LRCH2: variants seen among roughly 807,000 people sequenced by gnomAD.
LRCH2 encodes leucine-rich repeat and calponin homology domain-containing protein 2.
In LRCH2, 38 loss-of-function variants were observed where a neutral mutation model predicts 68.9. The ratio of observed to expected loss-of-function variants is 0.55; its 90% CI spans 0.43 to 0.72. The LOEUF is 0.72. LRCH2 is among the 30% of genes least tolerant of loss of function. The pLI is 0.00. For missense variants in LRCH2, 528 were observed against 572.9 expected (o/e 0.92, Z 0.80); for synonymous variants, 191 against 208.1 (o/e 0.92, Z 0.71).
chrX:115,191,173 A>C, intron 1 of LRCH2: 1 of 1,165,110 alleles, frequency 8.6e-7, no homozygotes, highest in Non-Finnish European at 1.1e-6. Context: ...GGGCCACGAC[A>C]GTTCCAGCCA....
At chrX:115,196,663 C>T (rs1262294882) in intron 1 of LRCH2, among the ~76,000 whole-genome samples, 1 of 111,542 alleles carries the variant, frequency 9.0e-6, no homozygotes. Flanking sequence ...GCCTAGAAGC[C>T]AGTTTGCACA....
intron 16 of LRCH2, among the ~76,000 whole-genome samples, chrX:115,124,815 C>T (rs2072172557): frequency 9.0e-6 from 1 of 111,579 alleles, no homozygotes; most frequent in Admixed American, 9.6e-5. Context: ...GAGGATCATA[C>T]CTATTTTATG....
At position 115,233,645 on chromosome X, in the gene LRCH2, C is replaced by T. The variant is rs1556579115; in HGVS notation, c.349+48G>A. ...ACGCAGCCACGCAGCCACCCACTCC[C>T]CGCACCTCCTCCTTCACAGCCAGCT... On this transcript the variant is annotated intron_variant, in intron 1 of 20. Coordinates refer to ENST00000317135, the MANE Select transcript of LRCH2 (RefSeq NM_020871.4). The T allele has an allele frequency of 2.7e-6, 3 of 1,091,635 alleles. No homozygotes were observed. In the South Asian group the frequency reaches 6.7e-5, roughly 24 times the overall value. 90.0% of individuals were successfully genotyped at this position (1,091,635 alleles called of 1,213,427 possible).
chrX:115,219,049 T>C (rs1030342216), intron 1 of LRCH2, among the ~76,000 whole-genome samples: 1 of 111,947 alleles, frequency 8.9e-6, no homozygotes, highest in Non-Finnish European at 1.9e-5. Context: ...TTAGTACCTT[T>C]CTACTGCATG....
intron 1 of LRCH2, among the ~76,000 whole-genome samples, chrX:115,205,377 A>G (rs1425018704): frequency 2.7e-5 from 3 of 112,265 alleles, no homozygotes; most frequent in African/African-American, 9.7e-5. Context: ...TGATGCATAC[A>G]TGACACATGC....
chrX:115,132,895 T>C (rs2072258256), intron 14 of LRCH2, among the ~76,000 whole-genome samples: 1 of 112,114 alleles, frequency 8.9e-6, no homozygotes, highest in East Asian at 2.8e-4. Flanking sequence ...CTTTTATTAT[T>C]AAATAATTTA....
intron 8 of LRCH2, 92 bp downstream of exon 8, chrX:115,165,749 A>G (rs1010464147): frequency 1.2e-5 from 11 of 923,220 alleles, no homozygotes; most frequent in African/African-American, 2.0e-5. Context: ...TCTCAATGTA[A>G]GAGTTTGCTA....
At chrX:115,218,778 G>T (rs1030152525) in intron 1 of LRCH2, among the ~76,000 whole-genome samples, 1 of 111,940 alleles carries the variant, frequency 8.9e-6, no homozygotes, top group Admixed American at 9.5e-5. Context: ...ATTCTGTATC[G>T]GGGCTGTGAG....
chrX:115,128,353 A>G (rs1316549886), intron 15 of LRCH2, among the ~76,000 whole-genome samples: 1 of 112,074 alleles, frequency 8.9e-6, no homozygotes, highest in Non-Finnish European at 1.9e-5. Flanking sequence ...CTGAAACCAC[A>G]GATAGTACCA....
Position 115,169,797 on chromosome X carries a change from T to C in LRCH2, c.998+502A>G, listed in dbSNP as rs782552165. On this transcript the variant is annotated intron_variant, in intron 6 of 20. Coordinates refer to ENST00000317135, the MANE Select transcript of LRCH2 (RefSeq NM_020871.4). The stretch of plus-strand genomic sequence containing the variant: ...ATGTTCAATCTACTATCTCAAAATC[T>C]CATGAGGATCAAAACACTGAAATCA... Among the ~76,000 whole-genome samples, 5 of 111,028 alleles carry C rather than the reference T, an allele frequency of 4.5e-5. No homozygotes were observed. In the East Asian group the frequency reaches 1.4e-3, roughly 32 times the overall value.
Position 115,179,469 on chromosome X carries a change from T to C in LRCH2, c.822A>G (p.Val274=). ...GCAATGGATTGTTATCCAAAATTAT[T>C]ACTTGTAAATGATGCAGCTTTCTGT... ...VCYRKLHHLQ[V]IILDNNPLQV... is the part of the protein sequence containing the mutation. The change falls in exon 5 of 21, where the codon GTA becomes GTG. Residue 274 remains valine, a synonymous_variant. Transcript: ENST00000317135. 3.5e-6 allele frequency: 4 copies of C among 1,148,363 alleles called. No individual in the cohort carries two copies. The highest frequency in any genetic ancestry group is 4.6e-6 in the Non-Finnish European group (4 of 864,305). 94.6% of individuals were successfully genotyped at this position (1,148,363 alleles called of 1,213,427 possible). A position where few individuals can be genotyped will look rare whatever the true frequency, so the allele number is the denominator to read the frequency against.
At chrX:115,179,282 A>T in intron 5 of LRCH2, 145 bp downstream of exon 5, 1 of 411,429 alleles carries the variant, frequency 2.4e-6, no homozygotes, top group Non-Finnish European at 3.8e-6. Context: ...CAAAGTGCAA[A>T]AGGCAATGCT....
intron 1 of LRCH2, among the ~76,000 whole-genome samples, chrX:115,204,627 T>C (rs2072952991): frequency 8.9e-6 from 1 of 111,928 alleles, no homozygotes; most frequent in Admixed American, 9.5e-5. Context: ...AAGTTCAAAG[T>C]TCCACAGATC....
At chrX:115,157,809 A>G (rs2072487535) in intron 11 of LRCH2, among the ~76,000 whole-genome samples, 1 of 110,220 alleles carries the variant, frequency 9.1e-6, no homozygotes, top group Non-Finnish European at 1.9e-5. Context: ...AAATTTCAGA[A>G]TTATTGCAGG....
At chrX:115,231,539 G>C (rs1423239090) in intron 1 of LRCH2, among the ~76,000 whole-genome samples, 1 of 111,741 alleles carries the variant, frequency 8.9e-6, no homozygotes, top group Admixed American at 9.5e-5. Flanking sequence ...ACAAGATCTT[G>C]TTTACTCTGA....
intron 16 of LRCH2, 62 bp downstream of exon 16, chrX:115,126,781 T>G: frequency 6.9e-6 from 6 of 871,887 alleles, no homozygotes; most frequent in Non-Finnish European, 9.3e-6. Flanking sequence ...GGAAGACTCT[T>G]ATGTAAAACA....
chrX:115,181,979 TAAC>T (rs1170368211), intron 3 of LRCH2, among the ~76,000 whole-genome samples: 3 of 111,509 alleles, frequency 2.7e-5, no homozygotes, highest in African/African-American at 9.8e-5. Flanking sequence ...TAATACAACG[TAAC>T]AACTACTCAC....
rs782512086 is a variant in LRCH2 at position 115,191,842 on chromosome X, G to A, written c.350-3472C>T. 134 of 1,150,935 alleles carry A rather than the reference G, an allele frequency of 1.2e-4. No individual in the cohort carries two copies. Among genetic ancestry groups the A allele is most frequent in the Non-Finnish European group, 1.4e-4 (121 of 862,527 alleles). 94.8% of individuals were successfully genotyped at this position (1,150,935 alleles called of 1,213,427 possible). A position where few individuals can be genotyped will look rare whatever the true frequency, so the allele number is the denominator to read the frequency against. ...AGGCCGCTCACCCAATGCCTACAGC[G>A]GGGGCCACAACAGTTCCAGCCGGAA... On this transcript the variant is annotated intron_variant, in intron 1 of 20. Coordinates refer to ENST00000317135, the MANE Select transcript of LRCH2 (RefSeq NM_020871.4).
chrX:115,201,727 C>T lies in LRCH2; in HGVS notation c.350-13357G>A, dbSNP rs782552352. On this transcript the variant is annotated intron_variant, in intron 1 of 20. Coordinates refer to ENST00000317135, the MANE Select transcript of LRCH2 (RefSeq NM_020871.4). ...ATCAAAAAAGAGGAAGTGAAAGTAT[C>T]GCAGATTGCTGACGATATCATCTTA... 3.6e-5 allele frequency among the ~76,000 whole-genome samples: 4 copies of T among 111,847 alleles called. No individual in the cohort carries two copies. In the South Asian group the frequency reaches 1.5e-3, roughly 42 times the overall value.
Sources: gnomAD v4.1 joint callset for allele counts (sites outside exome capture counted in the v4.1 genomes callset) on GRCh38, gnomAD v4.1.1 for gene constraint, MANE v1.5 for transcripts, NCBI Gene and HGNC (gene_info 2026-07-23, HGNC 2026-07-21) for gene names.